Variants in TGFBR3 observed in about 807,000 individuals in gnomAD.
TGFBR3 encodes the protein transforming growth factor beta receptor 3.
TGFBR3 carries 46 observed loss-of-function variants against 87.9 expected under a neutral mutation model. The ratio of observed to expected loss-of-function variants is 0.52; its 90% CI spans 0.41 to 0.67. TGFBR3 has a LOEUF of 0.67. Ranked by LOEUF, TGFBR3 falls within the 30% of genes least tolerant of loss-of-function variation. TGFBR3 has a pLI of 0.00. For synonymous variants in TGFBR3, 381 were observed against 391.6 expected (o/e 0.97, Z 0.32); for missense variants, 866 against 1,041.9 (o/e 0.83, Z 2.32).
In TGFBR3 at chr1:91,800,116, G is replaced by A. The variant is rs146689660; in HGVS notation, c.62-2645C>T. On this transcript the variant is annotated intron_variant, in intron 2 of 16. Coordinates refer to ENST00000212355, the MANE Select transcript of TGFBR3 (RefSeq NM_003243.5). ...TTTACAGAGACCCACTGGAGGCCAG[G>A]TGCAATGGCTCATGCCTGTAACACC... is the stretch of plus-strand genomic sequence containing the variant. Among the ~76,000 whole-genome samples the A allele has an allele frequency of 5.3e-4, 80 of 151,638 alleles. 1 individual carries two copies. The highest frequency in any genetic ancestry group is 1.9e-3 in the African/African-American group (77 of 41,302).
chr1:91,721,142 A>C (rs1353652119), intron 8 of TGFBR3, among the ~76,000 whole-genome samples: 1 of 152,208 alleles, frequency 6.6e-6, no homozygotes, highest in Non-Finnish European at 1.5e-5. Context: ...GTTGGACATT[A>C]TCTCTCCTTT....
At chr1:91,710,600 GA>G (rs1319283930) in intron 13 of TGFBR3, among the ~76,000 whole-genome samples, 1 of 152,122 alleles carries the variant, frequency 6.6e-6, no homozygotes, top group African/African-American at 2.4e-5. Flanking sequence ...GAAAATAATA[GA>G]AATGTGAAAA....
chr1:91,798,708 C>A (rs968144982), intron 2 of TGFBR3, among the ~76,000 whole-genome samples: 2 of 152,144 alleles, frequency 1.3e-5, no homozygotes, highest in African/African-American at 4.8e-5. Context: ...ATCTTTGTAT[C>A]CTCAGCATTC....
rs1350040591 is a variant in TGFBR3 at position 91,885,905 on chromosome 1, C to G, written c.-141G>C. 7.0e-6 allele frequency: 3 copies of G among 429,038 alleles called. No individual in the cohort carries two copies. The highest frequency in any genetic ancestry group is 1.4e-5 in the Non-Finnish European group (3 of 214,310). 26.6% of individuals were successfully genotyped at this position (429,038 alleles called of 1,614,324 possible). A position where few individuals can be genotyped will look rare whatever the true frequency, so the allele number is the denominator to read the frequency against. On this transcript the variant is annotated 5_prime_UTR_variant, in exon 1 of 17. Transcript: ENST00000212355. Reference sequence around the variant, plus strand: ...CGGAGGCGGTGTGTCCAGCGGAGATCCACCCGCAGCAAGTTGGAGGAAAGC... The same window carrying G: ...CGGAGGCGGTGTGTCCAGCGGAGATGCACCCGCAGCAAGTTGGAGGAAAGC...
At chr1:91,695,273 C>G (rs888055615) in intron 16 of TGFBR3, among the ~76,000 whole-genome samples, 1 of 152,142 alleles carries the variant, frequency 6.6e-6, no homozygotes, top group African/African-American at 2.4e-5. Flanking sequence ...GGACAGTGCT[C>G]AATACCTTGG....
rs202191737 is a variant in TGFBR3 at position 91,683,730 on chromosome 1, T to C, written c.*9A>G. The C allele has an allele frequency of 1.1e-4, 175 of 1,547,288 alleles. No homozygotes were observed. In the East Asian group the frequency reaches 1.3e-3, roughly 12 times the overall value. ...TGGGCTGGGTTGGGCCGGGTTGGGC[T>C]GGGTTGGGCTAGGCCGTGCTGCTGC... On this transcript the variant is annotated 3_prime_UTR_variant, in exon 17 of 17. Transcript: ENST00000212355.
intron 3 of TGFBR3, among the ~76,000 whole-genome samples, chr1:91,768,671 T>G (rs927699828): frequency 6.6e-6 from 1 of 152,204 alleles, no homozygotes; most frequent in Non-Finnish European, 1.5e-5. Flanking sequence ...TTCCTCCTGC[T>G]CCATCCATGT....
At chr1:91,822,489 G>T (rs1318126248) in intron 2 of TGFBR3, among the ~76,000 whole-genome samples, 1 of 151,674 alleles carries the variant, frequency 6.6e-6, no homozygotes, top group Non-Finnish European at 1.5e-5. Flanking sequence ...TCCTTTATTA[G>T]CCTTCCCAAA....
chr1:91,692,947 C>A, intron 16 of TGFBR3, among the ~76,000 whole-genome samples: 1 of 152,170 alleles, frequency 6.6e-6, no homozygotes, highest in East Asian at 1.9e-4. Flanking sequence ...ATCTGAACCC[C>A]CAAATACAGC....
intron 1 of TGFBR3, among the ~76,000 whole-genome samples, chr1:91,867,170 C>T (rs1173371330): frequency 6.6e-6 from 1 of 152,202 alleles, no homozygotes; most frequent in Non-Finnish European, 1.5e-5. Flanking sequence ...GCTGTTTCTA[C>T]CAAAGAGATT....
rs192236848 is a variant in TGFBR3 at position 91,689,580 on chromosome 1, A to C, written c.2438-5723T>G. Among the ~76,000 whole-genome samples, 232 of 152,334 alleles carry C rather than the reference A, an allele frequency of 1.5e-3. 2 individuals carry two copies. The highest frequency in any genetic ancestry group is 1.2e-3 in the Non-Finnish European group (83 of 68,028). Reference sequence around the variant, plus strand: ...GAGGCAAAAAGAAAAACCGAAACACATGTTAATTAATGTTTATTATCTGAT... The same window carrying C: ...GAGGCAAAAAGAAAAACCGAAACACCTGTTAATTAATGTTTATTATCTGAT... On this transcript the variant is annotated intron_variant, in intron 16 of 16. Coordinates refer to ENST00000212355, the MANE Select transcript of TGFBR3 (RefSeq NM_003243.5).
In TGFBR3 at chr1:91,699,328, C is replaced by CCAGCAGA. The variant is rs17878641; in HGVS notation, c.2288-1205_2288-1199dup. Among the ~76,000 whole-genome samples the CCAGCAGA allele has an allele frequency of 4.3e-4, 66 of 152,132 alleles. No individual in the cohort carries two copies. In the South Asian group the frequency reaches 0.011, roughly 25 times the overall value. ...AGTCTCCCACTGTTCCATCTCCATCCCAGCAGAGCTAGTCTCTCCCACCCT... is the reference window on the plus strand; with the variant it reads ...AGTCTCCCACTGTTCCATCTCCATCCCAGCAGACAGCAGAGCTAGTCTCTCCCACCCT... On this transcript the variant is annotated intron_variant, in intron 14 of 16. Transcript: ENST00000212355.
chr1:91,873,168 A>G (rs557686394), intron 1 of TGFBR3, among the ~76,000 whole-genome samples: 1 of 151,896 alleles, frequency 6.6e-6, no homozygotes, highest in African/African-American at 2.4e-5. Flanking sequence ...ATGGGGTCTC[A>G]CTATGTTATC....
At chr1:91,735,436 C>CTAT (rs1488844438) in intron 4 of TGFBR3, among the ~76,000 whole-genome samples, 1 of 152,194 alleles carries the variant, frequency 6.6e-6, no homozygotes, top group African/African-American at 2.4e-5. Flanking sequence ...AGAGTCATCA[C>CTAT]AATAGGGAAA....
At chr1:91,817,241 A>G (rs1557726406) in intron 2 of TGFBR3, among the ~76,000 whole-genome samples, 1 of 152,218 alleles carries the variant, frequency 6.6e-6, no homozygotes. Context: ...ACAAAGCATC[A>G]TAAAGAACAT....
chr1:91,729,033 T>TACACACAC (rs56158224), intron 6 of TGFBR3, among the ~76,000 whole-genome samples: 9 of 89,618 alleles, frequency 1.0e-4, no homozygotes, highest in Non-Finnish European at 2.0e-4. Context: ...CACTCCAGCA[T>TACACACAC]ACACACACAC....
At chr1:91,875,042 C>T (rs191873281) in intron 1 of TGFBR3, among the ~76,000 whole-genome samples, 11 of 152,264 alleles carry the variant, frequency 7.2e-5, no homozygotes, top group African/African-American at 2.6e-4. Context: ...CCTGATCTTT[C>T]CCCAAAGCCA....
intron 3 of TGFBR3, among the ~76,000 whole-genome samples, chr1:91,775,824 T>C (rs562092759): frequency 6.6e-6 from 1 of 152,244 alleles, no homozygotes; most frequent in South Asian, 2.1e-4. Context: ...TCTGGGCATG[T>C]GAATGATACA....
intron 3 of TGFBR3, among the ~76,000 whole-genome samples, chr1:91,787,069 G>A (rs1674997240): frequency 6.6e-6 from 1 of 152,088 alleles, no homozygotes; most frequent in African/African-American, 2.4e-5. Context: ...TTGGGAGGCT[G>A]AGACAGGCAG....
Sources: allele counts gnomAD v4.1 joint callset (sites outside exome capture counted in the v4.1 genomes callset), GRCh38; gene constraint gnomAD v4.1.1; transcripts MANE v1.5; gene names NCBI Gene and HGNC (gene_info 2026-07-23, HGNC 2026-07-21).